UGT2B28: variants seen among roughly 807,000 people sequenced by gnomAD.
UGT2B28 encodes the protein UDP-glucuronosyltransferase 2B28.
A neutral mutation model predicts 43.6 loss-of-function variants in UGT2B28; 45 were observed. That is an observed-to-expected ratio of 1.03 (90% CI 0.81 to 1.32). The LOEUF (loss-of-function observed/expected upper bound fraction) is 1.32, where lower values mean the gene tolerates loss of function less well. UGT2B28 is among the 40% of genes most tolerant of loss of function. The probability of loss-of-function intolerance (pLI) is 0.00; values close to 1 mark genes in which losing one functional copy is unlikely to be tolerated. For missense variants in UGT2B28, 649 were observed against 625.5 expected (o/e 1.04, Z -0.40); for synonymous variants, 204 against 208.1 (o/e 0.98, Z 0.17).
At chr4:69,281,315 T>A in intron 1 of UGT2B28, 94 bp downstream of exon 1, 3 of 1,318,952 alleles carry the variant, frequency 2.3e-6, no homozygotes, top group Non-Finnish European at 3.0e-6. Context: ...GGAAGTGGAG[T>A]TTTTGGTAAG....
At chr4:69,285,482 C>T (rs1723746256) in intron 2 of UGT2B28, among the ~76,000 whole-genome samples, 1 of 138,966 alleles carries the variant, frequency 7.2e-6, no homozygotes, top group Admixed American at 7.3e-5. Context: ...ACACTGAAAA[C>T]GAGTCACATT....
rs920520145 is a variant in UGT2B28, at chr4:69,284,661, G to A, written c.870+1999G>A. Reference sequence around the variant, plus strand: ...GGACAAGAAAAAAGGTTGACTAGTAGTACAATAGTGGTAATTACTAATACT... The same window carrying A: ...GGACAAGAAAAAAGGTTGACTAGTAATACAATAGTGGTAATTACTAATACT... On this transcript the variant is annotated intron_variant, in intron 2 of 5. Transcript: ENST00000335568. Among the ~76,000 whole-genome samples the A allele has an allele frequency of 5.0e-5, 7 of 140,264 alleles. 1 individual carries two copies. Among genetic ancestry groups the A allele is most frequent in the Non-Finnish European group, 7.6e-5 (5 of 65,650 alleles). 92.0% of individuals were successfully genotyped at this position (140,264 alleles called of 152,430 possible). A position where few individuals can be genotyped will look rare whatever the true frequency, so the allele number is the denominator to read the frequency against.
At chr4:69,290,837 G>A in intron 5 of UGT2B28, 26 bp downstream of exon 5, 1 of 1,545,574 alleles carries the variant, frequency 6.5e-7, no homozygotes, top group Non-Finnish European at 8.7e-7. Flanking sequence ...TTTTTCACTA[G>A]GTGGTATTTG....
Position 69,283,908 on chromosome 4 carries a change from C to T in UGT2B28, c.870+1246C>T, listed in dbSNP as rs1047525083. ...GCCAGTTGAAATTCTAAAATTCTAC[C>T]GTAAGTAATAAGGATCTTCACTAGT... On this transcript the variant is annotated intron_variant, in intron 2 of 5. Coordinates refer to ENST00000335568, the MANE Select transcript of UGT2B28 (RefSeq NM_053039.2). 3.6e-5 allele frequency among the ~76,000 whole-genome samples: 5 copies of T among 140,150 alleles called. 1 individual carries two copies. The highest frequency in any genetic ancestry group is 2.0e-4 in the East Asian group (1 of 4,910). The allele number at this position is 140,150 out of a possible 152,430, so 91.9% of individuals were successfully genotyped here. A position where few individuals can be genotyped will look rare whatever the true frequency, so the allele number is the denominator to read the frequency against.
rs6828191 is a variant in UGT2B28 at position 69,294,591 on chromosome 4, C to G, written c.1372C>G (p.His458Asp). Residue 458 changes from histidine (H) to aspartate (D), a missense_variant, in exon 6 of 6, where the codon CAT (histidine) becomes GAT (aspartate). His to Asp is a moderately conservative substitution (Grantham distance 81, BLOSUM62 -1). Transcript: ENST00000335568. ...ACATGATCAACCAGTAAAGCCCCTG[C>G]ATCGAGCAGTCTTCTGGATTGAATT... ...IQHDQPVKPL[H>D]RAVFWIEFVM... is the part of the protein sequence containing the mutation. The G allele has an allele frequency of 0.51, 799,180 of 1,554,614 alleles. 260,085 individuals carry two copies. Among genetic ancestry groups the G allele is most frequent in the Non-Finnish European group, 0.54 (621,985 of 1,152,750 alleles).
At chr4:69,281,786 A>G (rs529551091) in intron 1 of UGT2B28, among the ~76,000 whole-genome samples, 1 of 140,568 alleles carries the variant, frequency 7.1e-6, no homozygotes, top group African/African-American at 2.8e-5. Context: ...TCACTAAAGA[A>G]TTGGAATTCA....
rs570754981 is a variant in UGT2B28, at chr4:69,285,000, T to C, written c.871-1752T>C. On this transcript the variant is annotated intron_variant, in intron 2 of 5. Coordinates refer to ENST00000335568, the MANE Select transcript of UGT2B28 (RefSeq NM_053039.2). ...TAACATTAGAATTAATCCGACATCT[T>C]ACATGAAAGAATGATTAAAATTTAT... Among the ~76,000 whole-genome samples, 8 of 140,136 alleles carry C rather than the reference T, an allele frequency of 5.7e-5. 1 individual carries two copies. The East Asian group carries it at 1.6e-3, about 29-fold the overall frequency. The allele number at this position is 140,136 out of a possible 152,430, so 91.9% of individuals were successfully genotyped here. A position where few individuals can be genotyped will look rare whatever the true frequency, so the allele number is the denominator to read the frequency against.
chr4:69,291,049 T>A (rs1318079720), intron 5 of UGT2B28, among the ~76,000 whole-genome samples: 1 of 140,620 alleles, frequency 7.1e-6, no homozygotes, highest in African/African-American at 2.8e-5. Context: ...TTTTAAAATG[T>A]CATAGATAAT....
chr4:69,281,258 C>T lies in UGT2B28; in HGVS notation c.721+37C>T, dbSNP rs1173665564. 8 of 1,459,466 alleles carry T rather than the reference C, an allele frequency of 5.5e-6. 2 individuals carry two copies. Among genetic ancestry groups the T allele is most frequent in the Non-Finnish European group, 7.2e-6 (8 of 1,111,220 alleles). The allele number at this position is 1,459,466 out of a possible 1,614,324, so 90.4% of individuals were successfully genotyped here. ...TTTAATCGGGAACTTGAAGATCTAA[C>T]TTATTTGTGTCTTTGAAGCAGAGCT... On this transcript the variant is annotated intron_variant, in intron 1 of 5. Coordinates refer to ENST00000335568, the MANE Select transcript of UGT2B28 (RefSeq NM_053039.2).
In UGT2B28 at chr4:69,280,526, T is replaced by C. The variant is rs1488957145; in HGVS notation, c.26T>C (p.Leu9Pro). The C allele has an allele frequency of 6.4e-7, 1 of 1,557,272 alleles. No homozygotes were observed. The highest frequency in any genetic ancestry group is 8.7e-7 in the Non-Finnish European group (1 of 1,154,734). The part of the protein sequence containing the change: MALKWTSV[L>P]LLIHLGCYFS... Reference sequence around the variant, plus strand: ...ATGGCTCTGAAGTGGACTTCAGTTCTTCTGCTGATACATCTCGGTTGTTAC... The same window carrying C: ...ATGGCTCTGAAGTGGACTTCAGTTCCTCTGCTGATACATCTCGGTTGTTAC... The change falls in exon 1 of 6, where the codon CTT becomes CCT. Residue 9 changes from leucine (L) to proline (P), a missense_variant. By Grantham distance (98) the Leu-to-Pro change is moderately conservative. Transcript: ENST00000335568.
chr4:69,288,286 C>T (rs996865793), intron 3 of UGT2B28, among the ~76,000 whole-genome samples: 2 of 139,770 alleles, frequency 1.4e-5, no homozygotes, highest in African/African-American at 2.8e-5. Flanking sequence ...AAAACCTTGG[C>T]AGCATTTATT....
At position 69,290,136 on chromosome 4, in the gene UGT2B28, T is replaced by C. The variant is rs906090867; in HGVS notation, c.1090+384T>C. Among the ~76,000 whole-genome samples the C allele has an allele frequency of 4.3e-5, 6 of 140,020 alleles. 2 individuals carry two copies. The Admixed American group carries it at 4.3e-4, about 10-fold the overall frequency. The allele number at this position is 140,020 out of a possible 152,430, so 91.9% of individuals were successfully genotyped here. ...CTATCACCAGTGACTCTGTATTATC[T>C]GGAGGACTAAATTCCTAATCTTAAT... On this transcript the variant is annotated intron_variant, in intron 4 of 5. Coordinates refer to ENST00000335568, the MANE Select transcript of UGT2B28 (RefSeq NM_053039.2).
intron 2 of UGT2B28, among the ~76,000 whole-genome samples, chr4:69,285,196 A>G (rs1481816186): frequency 7.1e-6 from 1 of 140,098 alleles, no homozygotes; most frequent in Non-Finnish European, 1.5e-5. Context: ...TGTCACATGT[A>G]TACATTGACC....
chr4:69,293,162 T>A (rs1468924189), intron 5 of UGT2B28, among the ~76,000 whole-genome samples: 5 of 140,470 alleles, frequency 3.6e-5, no homozygotes, highest in Non-Finnish European at 7.6e-5. Flanking sequence ...AAAGACACTT[T>A]TGAGTACATA....
chr4:69,294,617 T>C lies in UGT2B28; in HGVS notation c.1398T>C (p.Phe466=). The C allele has an allele frequency of 6.4e-7, 1 of 1,551,332 alleles. No homozygotes were observed. The change falls in exon 6 of 6, where the codon TTT becomes TTC. Residue 466 remains phenylalanine (F), a synonymous_variant. Transcript: ENST00000335568. ...ATCGAGCAGTCTTCTGGATTGAATT[T>C]GTGATGTGCCACAAAGGAGCCAAAC... ...PLHRAVFWIE[F]VMCHKGAKHL...
chr4:69,293,178 T>A (rs1384822301), intron 5 of UGT2B28, among the ~76,000 whole-genome samples: 1 of 140,450 alleles, frequency 7.1e-6, no homozygotes, highest in East Asian at 2.0e-4. Flanking sequence ...ACATATTATA[T>A]AATTCAATTA....
chr4:69,291,096 A>T lies in UGT2B28; in HGVS notation c.1310+285A>T, dbSNP rs1226896595. Among the ~76,000 whole-genome samples the T allele has an allele frequency of 4.3e-5, 6 of 140,686 alleles. 1 individual carries two copies. The Admixed American group carries it at 4.3e-4, about 10-fold the overall frequency. The allele number at this position is 140,686 out of a possible 152,430, so 92.3% of individuals were successfully genotyped here. A position where few individuals can be genotyped will look rare whatever the true frequency, so the allele number is the denominator to read the frequency against. ...ATTTCTTAAAATTTTAACATAACGA[A>T]TCCATAGTAGAAAGGAAGAATAAAC... On this transcript the variant is annotated intron_variant, in intron 5 of 5. Transcript: ENST00000335568.
At chr4:69,287,151 A>G (rs879019682) in intron 3 of UGT2B28, among the ~76,000 whole-genome samples, 1 of 140,182 alleles carries the variant, frequency 7.1e-6, no homozygotes. Context: ...TGTATCCACA[A>G]AAGGGAACTT....
In UGT2B28 at chr4:69,280,964, C is replaced by G; in HGVS notation, c.464C>G (p.Pro155Arg). Residue 155 changes from proline to arginine, a missense_variant, in exon 1 of 6, where the codon CCT (proline) becomes CGT (arginine). Transcript: ENST00000335568. ...ATCATTTTTGCAGATGCTTTTTTTC[C>G]TTGTGGTGAGCTGCTGGCTGCGCTA... ...FDIIFADAFF[P>R]CGELLAALLN... 2 of 1,559,300 alleles carry G rather than the reference C, an allele frequency of 1.3e-6. No homozygotes were observed. Among genetic ancestry groups the G allele is most frequent in the South Asian group, 2.4e-5 (2 of 84,270 alleles).
Sources: gnomAD v4.1 joint callset for allele counts (sites outside exome capture counted in the v4.1 genomes callset) on GRCh38, gnomAD v4.1.1 for gene constraint, MANE v1.5 for transcripts, NCBI Gene and HGNC (gene_info 2026-07-23, HGNC 2026-07-21) for gene names.